The following PHEX variants were observed in gnomAD, a reference collection of about 807,000 sequenced individuals.
The protein encoded by PHEX is phosphate-regulating neutral endopeptidase PHEX.
In PHEX, 16 loss-of-function variants were observed where a neutral mutation model predicts 68.0. The observed-to-expected ratio is 0.24, with a 90% CI of 0.16 to 0.36. The LOEUF is 0.36. Ranked by LOEUF, PHEX falls within the 10% of genes least tolerant of loss-of-function variation. The pLI is 1.00. For synonymous variants in PHEX, 208 were observed against 205.1 expected, an observed-to-expected ratio of 1.01 and a Z score of -0.12; for missense variants, 480 against 575.5, an observed-to-expected ratio of 0.83 and a Z score of 1.70.
chrX:22,221,797 G>A, intron 18 of PHEX, 54 bp downstream of exon 18: 3 of 1,073,216 alleles, frequency 2.8e-6, no homozygotes, highest in Non-Finnish European at 3.9e-6. Flanking sequence ...TTCCTCATTT[G>A]GACATTAGCT....
intron 20 of PHEX, among the ~76,000 whole-genome samples, chrX:22,240,577 C>CA (rs1427564325): frequency 1.1e-5 from 1 of 94,147 alleles, no homozygotes; most frequent in African/African-American, 3.9e-5. Flanking sequence ...AAAACAAAAA[C>CA]AAACAAAAAA....
intron 12 of PHEX, among the ~76,000 whole-genome samples, chrX:22,142,123 G>A (rs781586159): frequency 9.0e-6 from 1 of 111,318 alleles, no homozygotes; most frequent in Non-Finnish European, 1.9e-5. Flanking sequence ...GTGGTGGCAG[G>A]CGCCTGTAAT....
chrX:22,215,922 C>T (rs1454004503), intron 16 of PHEX, among the ~76,000 whole-genome samples: 2 of 111,427 alleles, frequency 1.8e-5, no homozygotes, highest in Non-Finnish European at 3.8e-5. Context: ...GGTGGTAGAA[C>T]GACTTATTAT....
At chrX:22,245,289 A>G (rs745973782) in intron 20 of PHEX, 44 bp from the exon 21 acceptor site, 4 of 1,027,451 alleles carry the variant, frequency 3.9e-6, no homozygotes, top group East Asian at 3.0e-5. Context: ...GAAAATACAT[A>G]ATTGGAATGA....
intron 8 of PHEX, among the ~76,000 whole-genome samples, 187 bp from the exon 9 acceptor site, chrX:22,098,819 A>AAAAAAAAT: frequency 9.7e-6 from 1 of 103,581 alleles, no homozygotes; most frequent in Non-Finnish European, 2.0e-5. Context: ...AAAAAAAAAA[A>AAAAAAAAT]AAAAAAAAGA....
Position 22,247,925 on chromosome X carries a change from G to A in PHEX, c.2222G>A (p.Arg741Lys). 9.1e-6 allele frequency: 11 copies of A among 1,207,835 alleles called. No individual in the cohort carries two copies. Among genetic ancestry groups the A allele is most frequent in the Non-Finnish European group, 1.2e-5 (11 of 891,780 alleles). ...TGTCCACCCAATTCCACGATGAACA[G>A]AGGCATGGACTCCTGCCGACTCTGG... ...FNCPPNSTMN[R>K]GMDSCRLW is the part of the protein sequence containing the mutation. The change falls in exon 22 of 22, where the codon AGA (arginine) becomes AAA (lysine). Residue 741 changes from arginine to lysine, a missense_variant. Coordinates refer to ENST00000379374, the MANE Select transcript of PHEX (RefSeq NM_000444.6).
intron 3 of PHEX, among the ~76,000 whole-genome samples, chrX:22,051,746 T>A (rs1368793450): frequency 9.0e-6 from 1 of 111,146 alleles, no homozygotes; most frequent in Non-Finnish European, 1.9e-5. Context: ...TATCATCCTC[T>A]ACATATATAC....
chrX:22,067,364 C>T lies in PHEX; in HGVS notation c.350-9024C>T, dbSNP rs769806720. ...TCTGTGAATCAACCCTCACATCAAA[C>T]CCCTATTGCATTTTATGTTTAAGAA... On this transcript the variant is annotated intron_variant, in intron 3 of 21. Transcript: ENST00000379374. Among the ~76,000 whole-genome samples, 4 of 111,648 alleles carry T rather than the reference C, an allele frequency of 3.6e-5. No individual in the cohort carries two copies. The South Asian group carries it at 1.5e-3, about 43-fold the overall frequency.
At chrX:22,131,012 T>A in intron 11 of PHEX, among the ~76,000 whole-genome samples, 1 of 111,172 alleles carries the variant, frequency 9.0e-6, no homozygotes. Context: ...CAGGATTTTT[T>A]ATTTTATTTA....
intron 10 of PHEX, among the ~76,000 whole-genome samples, chrX:22,113,412 C>T (rs1305728046): frequency 9.0e-6 from 1 of 111,562 alleles, no homozygotes; most frequent in Non-Finnish European, 1.9e-5. Flanking sequence ...GGCCTCCCTT[C>T]CTCCCTGCCT....
At chrX:22,037,100 GA>G (rs1556011745) in intron 1 of PHEX, among the ~76,000 whole-genome samples, 17,051 of 83,948 alleles carry the variant, frequency 0.2, 1,434 homozygotes, top group Middle Eastern at 0.28. Context: ...CTCTTGTCTC[GA>G]AAAAAAAAAA....
intron 12 of PHEX, among the ~76,000 whole-genome samples, chrX:22,147,509 G>T (rs766968397): frequency 6.4e-5 from 7 of 110,159 alleles, no homozygotes; most frequent in Non-Finnish European, 1.3e-4. Context: ...AGTGGAAAAT[G>T]GGTGAAGAGA....
intron 1 of PHEX, among the ~76,000 whole-genome samples, chrX:22,038,141 T>C (rs1417216528): frequency 9.0e-6 from 1 of 110,675 alleles, no homozygotes; most frequent in African/African-American, 3.3e-5. Context: ...GTCAAGATCT[T>C]GGAGTGGCTT....
chrX:22,219,610 G>GATTATT (rs759048384), intron 17 of PHEX, among the ~76,000 whole-genome samples: 2,434 of 99,985 alleles, frequency 0.024, 79 homozygotes, highest in African/African-American at 0.091. Flanking sequence ...CTTATATTCT[G>GATTATT]ATTATTATTA....
chrX:22,086,875 T>C (rs1929649929), intron 5 of PHEX, among the ~76,000 whole-genome samples: 1 of 112,378 alleles, frequency 8.9e-6, no homozygotes, highest in South Asian at 3.7e-4. Flanking sequence ...TGTGTTGGAT[T>C]TCCTAAAAAA....
chrX:22,248,130 T>C lies in PHEX; in HGVS notation c.*177T>C, dbSNP rs1936446712. On this transcript the variant is annotated 3_prime_UTR_variant, in exon 22 of 22. Transcript: ENST00000379374. ...CATCTGTTCAAAGTTGTAGGGCTTA[T>C]AAAGTGGAATATAAGAATGAACTAA... 10 of 444,506 alleles carry C rather than the reference T, an allele frequency of 2.2e-5. No homozygotes were observed. The South Asian group carries it at 3.3e-4, about 15-fold the overall frequency. The allele number at this position is 444,506 out of a possible 1,213,427, so 36.6% of individuals were successfully genotyped here.
chrX:22,201,397 C>G (rs1399456652), intron 15 of PHEX, among the ~76,000 whole-genome samples: 4 of 111,358 alleles, frequency 3.6e-5, no homozygotes, highest in African/African-American at 9.8e-5. Context: ...GTTGGCCAGG[C>G]TGGTCTCGAA....
At chrX:22,080,447 A>G (rs990442533) in intron 5 of PHEX, among the ~76,000 whole-genome samples, 1 of 111,501 alleles carries the variant, frequency 9.0e-6, no homozygotes, top group Non-Finnish European at 1.9e-5. Context: ...ATATAATTAT[A>G]GTCTTCCTGA....
intron 20 of PHEX, among the ~76,000 whole-genome samples, chrX:22,238,486 C>A (rs991862255): frequency 2.7e-5 from 3 of 111,554 alleles, no homozygotes; most frequent in Non-Finnish European, 5.7e-5. Context: ...GCATCCCACC[C>A]CCATGGAGCC....
Sources: allele counts gnomAD v4.1 joint callset (sites outside exome capture counted in the v4.1 genomes callset), GRCh38; gene constraint gnomAD v4.1.1; transcripts MANE v1.5; gene names NCBI Gene and HGNC (gene_info 2026-07-23, HGNC 2026-07-21).